The following SAMD3 variants were observed in gnomAD, a reference collection of about 807,000 sequenced individuals.
The protein encoded by SAMD3 is sterile alpha motif domain containing 3.
A neutral mutation model predicts 58.5 loss-of-function variants in SAMD3; 63 were observed. That is an observed-to-expected ratio of 1.08 (90% CI 0.88 to 1.33). The LOEUF (loss-of-function observed/expected upper bound fraction) is 1.33, where lower values mean the gene tolerates loss of function less well. Among genes scored for constraint, SAMD3 ranks in the 40% most tolerant of loss-of-function variants. The probability of loss-of-function intolerance (pLI) is 0.00; values close to 1 mark genes in which losing one functional copy is unlikely to be tolerated. For missense variants in SAMD3, 604 were observed against 608.4 expected (o/e 0.99, Z 0.08); for synonymous variants, 220 against 210.3 (o/e 1.05, Z -0.40).
At chr6:130,323,444 ATT>A (rs146122392) in intron 1 of SAMD3, among the ~76,000 whole-genome samples, 64,384 of 147,982 alleles carry the variant, frequency 0.44, 15,531 homozygotes, top group African/African-American at 0.67. Context: ...AAAATTTCCA[ATT>A]TTTTTTTTTT....
rs551011783 is a variant in SAMD3, at chr6:130,265,330, C to A, written c.-187-42517G>T. 9.8e-5 allele frequency among the ~76,000 whole-genome samples: 15 copies of A among 152,300 alleles called. No individual in the cohort carries two copies. The South Asian group carries it at 2.9e-3, about 29-fold the overall frequency. ...ACGTGGATGGGAGCAGCTTCACCAA[C>A]CCCTGCAAAGTGGCTCTGAAGAAGA... On this transcript the variant is annotated intron_variant, in intron 2 of 13. Transcript: ENST00000368134.
chr6:130,350,441 GA>G (rs1777616307), intron 1 of SAMD3, among the ~76,000 whole-genome samples: 1 of 152,006 alleles, frequency 6.6e-6, no homozygotes, highest in Non-Finnish European at 1.5e-5. Context: ...GACAAACAGA[GA>G]GCCAAATCAT....
At chr6:130,288,278 G>C (rs1309430791) in intron 2 of SAMD3, among the ~76,000 whole-genome samples, 1 of 152,192 alleles carries the variant, frequency 6.6e-6, no homozygotes, top group Non-Finnish European at 1.5e-5. Context: ...ATGCCAGCAG[G>C]CTGGAAATTT....
At chr6:130,155,115 T>A in intron 8 of SAMD3, 90 bp from the exon 9 acceptor site, 1 of 923,432 alleles carries the variant, frequency 1.1e-6, no homozygotes, top group Middle Eastern at 2.2e-4. Flanking sequence ...AACTCATTCC[T>A]AAGGTGAGTA....
chr6:130,365,419 G>A (rs1583161865), exon 1 of SAMD3: 2 of 985,348 alleles, frequency 2.0e-6, no homozygotes, highest in African/African-American at 1.7e-5. Context: ...CCTTGGCCGC[G>A]TCTTTTCCGG....
In SAMD3 at chr6:130,260,961, G is replaced by GTTTGGT. The variant is rs200581017; in HGVS notation, c.-187-38154_-187-38149dup. ...ACGGTGTACCTTTATCGGCACTTTG[G>GTTTGGT]TTTGGTTTTGGTTTTGGTTTTGACT... On this transcript the variant is annotated intron_variant, in intron 2 of 13. Transcript: ENST00000368134. Among the ~76,000 whole-genome samples the GTTTGGT allele has an allele frequency of 9.9e-5, 15 of 152,122 alleles. No homozygotes were observed. The East Asian group carries it at 1.5e-3, about 16-fold the overall frequency.
At chr6:130,357,844 G>A (rs1167151548) in intron 1 of SAMD3, among the ~76,000 whole-genome samples, 1 of 152,198 alleles carries the variant, frequency 6.6e-6, no homozygotes, top group African/African-American at 2.4e-5. Context: ...GGTAAACTTT[G>A]TGAAAGCACG....
intron 1 of SAMD3, among the ~76,000 whole-genome samples, chr6:130,219,112 A>G (rs1019511509): frequency 1.3e-5 from 2 of 152,216 alleles, no homozygotes; most frequent in Non-Finnish European, 2.9e-5. Flanking sequence ...TATGTGCACC[A>G]GTTTTCCTTC....
In SAMD3 at chr6:130,242,241, G is replaced by C. The variant is rs369053871; in HGVS notation, c.-187-19428C>G. 6.6e-5 allele frequency among the ~76,000 whole-genome samples: 10 copies of C among 152,162 alleles called. No individual in the cohort carries two copies. In the South Asian group the frequency reaches 1.0e-3, roughly 16 times the overall value. ...AAAGGGCCAAAGAATAAATATTTTA[G>C]GTTTTGTTGGCTAGACAGTGTCTGT... On this transcript the variant is annotated intron_variant, in intron 2 of 13. Transcript: ENST00000368134.
intron 5 of SAMD3, among the ~76,000 whole-genome samples, chr6:130,186,767 ATTTTT>A (rs35592601): frequency 7.5e-5 from 8 of 107,036 alleles, no homozygotes; most frequent in African/African-American, 1.9e-4. Flanking sequence ...CCTTCCTGGG[ATTTTT>A]TTTTTTTTTT....
At chr6:130,254,316 C>T (rs753913048) in intron 2 of SAMD3, among the ~76,000 whole-genome samples, 19 of 152,052 alleles carry the variant, frequency 1.2e-4, no homozygotes, top group Non-Finnish European at 2.2e-4. Context: ...CCCTCAGCCT[C>T]CCGAGTAGCT....
chr6:130,347,164 G>C (rs746272751), intron 1 of SAMD3, among the ~76,000 whole-genome samples: 2 of 152,166 alleles, frequency 1.3e-5, no homozygotes, highest in African/African-American at 4.8e-5. Flanking sequence ...ACTCTAAAAA[G>C]CAGAGTGCCT....
chr6:130,272,895 C>T (rs1232228442), intron 2 of SAMD3, among the ~76,000 whole-genome samples: 2 of 151,996 alleles, frequency 1.3e-5, no homozygotes, highest in African/African-American at 4.8e-5. Context: ...TTGGGAAGAC[C>T]AGAATGACTG....
upstream of SAMD3, among the ~76,000 whole-genome samples, chr6:130,226,521 C>T (rs1796385719): frequency 6.6e-6 from 1 of 152,172 alleles, no homozygotes; most frequent in African/African-American, 2.4e-5. Context: ...ATGTGTATAA[C>T]ACTTTATAAA....
intron 1 of SAMD3, among the ~76,000 whole-genome samples, chr6:130,325,595 T>G (rs1347262769): frequency 6.6e-6 from 1 of 152,182 alleles, no homozygotes; most frequent in Non-Finnish European, 1.5e-5. Flanking sequence ...CAAATGCTCA[T>G]CTCTTCTGGA....
intron 8 of SAMD3, chr6:130,160,780 G>C (rs1790214785): frequency 6.6e-6 from 1 of 152,024 alleles, no homozygotes; most frequent in Admixed American, 6.6e-5. Context: ...GGAGAACCAG[G>C]ATAATGGATT....
intron 2 of SAMD3, among the ~76,000 whole-genome samples, chr6:130,228,884 CAT>C (rs1243727380): frequency 6.6e-6 from 1 of 152,166 alleles, no homozygotes; most frequent in African/African-American, 2.4e-5. Flanking sequence ...GGCTCCTTGC[CAT>C]TGGGAAGGAA....
At chr6:130,195,046 T>A (rs892185120) in intron 5 of SAMD3, among the ~76,000 whole-genome samples, 5 of 152,120 alleles carry the variant, frequency 3.3e-5, no homozygotes, top group Non-Finnish European at 5.9e-5. Context: ...ACTTAGACAA[T>A]ACTCTTTTAA....
chr6:130,304,727 T>A (rs1775858135), intron 2 of SAMD3, among the ~76,000 whole-genome samples: 2 of 152,152 alleles, frequency 1.3e-5, no homozygotes, highest in South Asian at 4.1e-4. Flanking sequence ...TTTAATTTTA[T>A]CCAAACTTTA....
Sources: allele counts gnomAD v4.1 joint callset (sites outside exome capture counted in the v4.1 genomes callset), GRCh38; gene constraint gnomAD v4.1.1; transcripts MANE v1.5; gene names NCBI Gene and HGNC (gene_info 2026-07-23, HGNC 2026-07-21).